The following OSBP2 variants were observed in gnomAD, a reference collection of about 807,000 sequenced individuals.
OSBP2 encodes the protein oxysterol binding protein 2.
A neutral mutation model predicts 96.0 loss-of-function variants in OSBP2; 66 were observed. The observed-to-expected ratio is 0.69, with a 90% CI of 0.56 to 0.84. The LOEUF (loss-of-function observed/expected upper bound fraction) is 0.84. OSBP2 is among the 40% of genes least tolerant of loss of function. The probability of loss-of-function intolerance (pLI) is 0.00; values close to 1 mark genes in which losing one functional copy is unlikely to be tolerated. For synonymous variants in OSBP2, 525 were observed against 520.9 expected (o/e 1.01, Z -0.11); for missense variants, 1,038 against 1,222.7 (o/e 0.85, Z 2.25).
intron 1 of OSBP2, among the ~76,000 whole-genome samples, chr22:30,724,607 G>C (rs1569097477): frequency 6.6e-6 from 1 of 152,180 alleles, no homozygotes; most frequent in Non-Finnish European, 1.5e-5. Flanking sequence ...TAGTTTATCT[G>C]TTCAGTCACT....
chr22:30,767,998 G>A (rs944090612), intron 2 of OSBP2, among the ~76,000 whole-genome samples: 6 of 152,168 alleles, frequency 3.9e-5, no homozygotes, highest in Admixed American at 3.3e-4. Context: ...TTCTTTAGGA[G>A]GTGTGAACAA....
chr22:30,745,516 A>T (rs767238731), intron 2 of OSBP2, among the ~76,000 whole-genome samples: 1 of 152,004 alleles, frequency 6.6e-6, no homozygotes, highest in East Asian at 1.9e-4. Context: ...TTAAAAATTA[A>T]ATTAGCCAGA....
In OSBP2 at chr22:30,890,922, C is replaced by G. The variant is rs561470883; in HGVS notation, c.1818C>G (p.Thr606=). ...CCTTCAACCCCATGCTGGGGGAGAC[C>G]TTCGAGCTGGACCGCCTCGACGACA... is the stretch of plus-strand genomic sequence containing the variant. ...AKPFNPMLGE[T]FELDRLDDMG... Residue 606 remains threonine, a synonymous_variant, in exon 8 of 14, where the codon ACC becomes ACG. Transcript: ENST00000332585. This position sits in a 1 kb window ranked among gnomAD's most constrained non-coding sequence, Gnocchi z 4.4. The G allele has an allele frequency of 1.1e-5, 18 of 1,612,654 alleles. No homozygotes were observed. In the Admixed American group the frequency reaches 3.0e-4, roughly 27 times the overall value.
intron 1 of OSBP2, among the ~76,000 whole-genome samples, chr22:30,705,521 G>A (rs968993561): frequency 6.6e-6 from 1 of 152,044 alleles, no homozygotes; most frequent in African/African-American, 2.4e-5. Flanking sequence ...TCGAACTCCC[G>A]ACTTCACATG....
chr22:30,865,725 C>G (rs549239540), intron 2 of OSBP2, among the ~76,000 whole-genome samples: 3 of 151,302 alleles, frequency 2.0e-5, no homozygotes. Flanking sequence ...GGCCCTGGTA[C>G]ATGTTAAGTC....
chr22:30,746,491 T>A (rs1188909274), intron 2 of OSBP2, among the ~76,000 whole-genome samples: 1 of 146,746 alleles, frequency 6.8e-6, no homozygotes, highest in Non-Finnish European at 1.5e-5. Context: ...AACACTTTTT[T>A]TTTTTTTTTT....
At chr22:30,760,750 G>A (rs981110049) in intron 2 of OSBP2, among the ~76,000 whole-genome samples, 2 of 151,944 alleles carry the variant, frequency 1.3e-5, no homozygotes, top group Admixed American at 6.6e-5. Flanking sequence ...CTGGCAGGGC[G>A]GAGGTTGCAG....
intron 2 of OSBP2, among the ~76,000 whole-genome samples, chr22:30,775,330 A>G (rs1319157174): frequency 6.6e-6 from 1 of 152,120 alleles, no homozygotes; most frequent in Non-Finnish European, 1.5e-5. Flanking sequence ...AAAATCGACC[A>G]GGCGCAGTGG....
intron 1 of OSBP2, among the ~76,000 whole-genome samples, chr22:30,740,641 A>G (rs539987342): frequency 5.9e-5 from 9 of 152,278 alleles, no homozygotes; most frequent in African/African-American, 2.2e-4. Context: ...TTTCACTCTC[A>G]GTCATAATTT....
chr22:30,694,777 C>T, upstream of OSBP2: 3 of 597,466 alleles, frequency 5.0e-6, no homozygotes, highest in Non-Finnish European at 6.3e-6. Flanking sequence ...GGGCACGGAG[C>T]GCACGGGACC....
chr22:30,771,940 C>T (rs1266717274), intron 2 of OSBP2, among the ~76,000 whole-genome samples: 1 of 152,196 alleles, frequency 6.6e-6, no homozygotes, highest in Non-Finnish European at 1.5e-5. Context: ...GGCCTCAATG[C>T]CTAGACACAG....
At chr22:30,757,745 C>T (rs1416879759) in intron 2 of OSBP2, among the ~76,000 whole-genome samples, 1 of 152,084 alleles carries the variant, frequency 6.6e-6, no homozygotes, top group Non-Finnish European at 1.5e-5. Flanking sequence ...CTCCTGTAGC[C>T]TCAACCTCTC....
intron 2 of OSBP2, among the ~76,000 whole-genome samples, chr22:30,845,334 G>A (rs2038846393): frequency 6.6e-6 from 1 of 152,184 alleles, no homozygotes; most frequent in Non-Finnish European, 1.5e-5. Context: ...GAGGCAGGAG[G>A]ATTGCTTGAT....
At chr22:30,841,554 G>A (rs1219439929) in intron 2 of OSBP2, among the ~76,000 whole-genome samples, 1 of 152,234 alleles carries the variant, frequency 6.6e-6, no homozygotes, top group Non-Finnish European at 1.5e-5. Flanking sequence ...ATACCTCGGA[G>A]ATATTGCAGA....
chr22:30,863,183 C>T (rs1264578884), intron 2 of OSBP2, among the ~76,000 whole-genome samples: 2 of 152,112 alleles, frequency 1.3e-5, no homozygotes, highest in Non-Finnish European at 2.9e-5. Context: ...TGATATCCCC[C>T]AGACTCCCAC....
intron 8 of OSBP2, 91 bp from the exon 9 acceptor site, chr22:30,893,031 G>T: frequency 2.6e-6 from 4 of 1,512,680 alleles, no homozygotes; most frequent in Non-Finnish European, 3.6e-6. Flanking sequence ...TGTGCCTGCT[G>T]AGGCAGGGCA....
chr22:30,767,412 A>G (rs915823132), intron 2 of OSBP2, among the ~76,000 whole-genome samples: 4 of 152,166 alleles, frequency 2.6e-5, no homozygotes, highest in African/African-American at 9.7e-5. Flanking sequence ...GTTACCAGCT[A>G]CCAGCTCATG....
At position 30,697,331 on chromosome 22, in the gene OSBP2, G is replaced by A. The variant is rs188194771; in HGVS notation, c.644+1778G>A. ...GTCTCACTCTGTCACCAGGCTGGAG[G>A]GCAGTGGTGCAATCTCGGTTCACTG... On this transcript the variant is annotated intron_variant, in intron 1 of 13. Coordinates refer to ENST00000332585, the MANE Select transcript of OSBP2 (RefSeq NM_030758.4). Among the ~76,000 whole-genome samples the A allele has an allele frequency of 4.7e-3, 712 of 151,650 alleles. 1 individual carries two copies. Among genetic ancestry groups the A allele is most frequent in the Non-Finnish European group, 8.0e-3 (545 of 67,852 alleles).
chr22:30,802,652 T>G (rs1210170435), intron 2 of OSBP2, among the ~76,000 whole-genome samples: 1 of 152,230 alleles, frequency 6.6e-6, no homozygotes, highest in African/African-American at 2.4e-5. Flanking sequence ...TATCTAGCCC[T>G]CTGGGCGAGA....
Sources: gnomAD v4.1 joint callset for allele counts (sites outside exome capture counted in the v4.1 genomes callset) on GRCh38, gnomAD v4.1.1 for gene constraint, Gnocchi (gnomAD v3.1) non-coding constraint, MANE v1.5 for transcripts, NCBI Gene and HGNC (gene_info 2026-07-23, HGNC 2026-07-21) for gene names.